Variants in NKAIN2 observed in about 807,000 individuals in gnomAD.
NKAIN2 encodes the protein sodium/potassium transporting ATPase interacting 2.
NKAIN2 carries 14 observed loss-of-function variants against 32.6 expected under a neutral mutation model. The observed-to-expected ratio is 0.43, with a 90% CI of 0.28 to 0.67. The LOEUF is 0.67. NKAIN2 is among the 30% of genes least tolerant of loss of function. The pLI, the probability that NKAIN2 is intolerant of heterozygous loss-of-function variation, is 0.17. For synonymous variants in NKAIN2, 80 were observed against 87.2 expected (o/e 0.92, Z 0.46); for missense variants, 198 against 258.3 (o/e 0.77, Z 1.60).
At chr6:123,887,230 G>A (rs1013663183) in intron 1 of NKAIN2, among the ~76,000 whole-genome samples, 4 of 152,042 alleles carry the variant, frequency 2.6e-5, no homozygotes, top group African/African-American at 9.7e-5. Context: ...TAAGCTGCTG[G>A]TAATGATGAG....
At chr6:124,024,053 ATT>A (rs898236470) in intron 1 of NKAIN2, among the ~76,000 whole-genome samples, 1 of 152,170 alleles carries the variant, frequency 6.6e-6, no homozygotes, top group African/African-American at 2.4e-5. Context: ...AGGGGGTGCA[ATT>A]GGTTAAAAAA....
intron 3 of NKAIN2, among the ~76,000 whole-genome samples, chr6:124,380,169 C>A (rs144529818): frequency 6.6e-6 from 1 of 152,130 alleles, no homozygotes; most frequent in Non-Finnish European, 1.5e-5. Context: ...TATTCAGTAA[C>A]GCAGCAGTAT....
chr6:124,097,067 A>G (rs1308877177), intron 1 of NKAIN2, among the ~76,000 whole-genome samples: 1 of 152,158 alleles, frequency 6.6e-6, no homozygotes, highest in Non-Finnish European at 1.5e-5. Flanking sequence ...TTGAAATGAT[A>G]GAAGCCTTCA....
chr6:124,034,388 A>C (rs1187757127), intron 1 of NKAIN2, among the ~76,000 whole-genome samples: 2 of 152,026 alleles, frequency 1.3e-5, no homozygotes, highest in African/African-American at 4.8e-5. Context: ...TTTCTGCTTC[A>C]GTGATAATTC....
intron 4 of NKAIN2, among the ~76,000 whole-genome samples, chr6:124,717,700 C>T (rs1775818551): frequency 6.6e-6 from 1 of 152,066 alleles, no homozygotes. Context: ...ACTAGTTCAG[C>T]CATTGTATTA....
intron 3 of NKAIN2, among the ~76,000 whole-genome samples, chr6:124,583,424 A>G (rs1781595887): frequency 2.6e-5 from 4 of 152,122 alleles, no homozygotes; most frequent in Admixed American, 2.6e-4. Flanking sequence ...AAGAAATGAA[A>G]GGCTTACACA....
At chr6:124,260,057 C>G (rs930571225) in intron 1 of NKAIN2, among the ~76,000 whole-genome samples, 1 of 152,110 alleles carries the variant, frequency 6.6e-6, no homozygotes, top group African/African-American at 2.4e-5. Context: ...AGAACTGCAT[C>G]GATAAATCAC....
At chr6:124,254,333 G>A (rs1793825470) in intron 1 of NKAIN2, among the ~76,000 whole-genome samples, 1 of 152,170 alleles carries the variant, frequency 6.6e-6, no homozygotes, top group South Asian at 2.1e-4. Context: ...GCTAGCTGAT[G>A]GTAAAGGACA....
chr6:124,091,295 A>T (rs1225251241), intron 1 of NKAIN2, among the ~76,000 whole-genome samples: 2 of 152,016 alleles, frequency 1.3e-5, no homozygotes, highest in Non-Finnish European at 2.9e-5. Context: ...ACATGAAAAC[A>T]CTATGTCAGA....
chr6:124,680,330 T>A (rs1264244546), intron 4 of NKAIN2, among the ~76,000 whole-genome samples: 1 of 152,120 alleles, frequency 6.6e-6, no homozygotes, highest in Admixed American at 6.6e-5. Context: ...AAAGACAGAA[T>A]CAGTATATAT....
intron 3 of NKAIN2, among the ~76,000 whole-genome samples, chr6:124,405,873 T>G (rs1773835243): frequency 6.6e-6 from 1 of 152,178 alleles, no homozygotes; most frequent in African/African-American, 2.4e-5. Context: ...GTAACACTAC[T>G]TCATTACTAG....
chr6:124,716,286 T>C (rs1314376460), intron 4 of NKAIN2, among the ~76,000 whole-genome samples: 1 of 152,206 alleles, frequency 6.6e-6, no homozygotes, highest in Non-Finnish European at 1.5e-5. Flanking sequence ...ACTTTAGCTT[T>C]TGAGTTTCCC....
At chr6:123,842,317 G>C (rs192090697) in intron 1 of NKAIN2, among the ~76,000 whole-genome samples, 2 of 152,288 alleles carry the variant, frequency 1.3e-5, no homozygotes, top group East Asian at 3.9e-4. Flanking sequence ...AGTTCCTGGT[G>C]AGGGCTCTCT....
intron 1 of NKAIN2, among the ~76,000 whole-genome samples, chr6:123,907,383 A>C (rs1014953177): frequency 6.6e-6 from 1 of 152,200 alleles, no homozygotes; most frequent in African/African-American, 2.4e-5. Context: ...TAATAGACTT[A>C]TCATAATATC....
chr6:124,437,339 C>G (rs950993404), intron 3 of NKAIN2, among the ~76,000 whole-genome samples: 1 of 152,178 alleles, frequency 6.6e-6, no homozygotes, highest in Admixed American at 6.5e-5. Context: ...ATTAATGAAT[C>G]ATTGCCTTTT....
chr6:124,062,265 C>T (rs1782948523), intron 1 of NKAIN2, among the ~76,000 whole-genome samples: 2 of 151,800 alleles, frequency 1.3e-5, no homozygotes, highest in Non-Finnish European at 2.9e-5. Context: ...ATGGAAATAC[C>T]ATTTATTGTT....
chr6:124,521,943 C>A (rs1216920369), intron 3 of NKAIN2, among the ~76,000 whole-genome samples: 1 of 151,894 alleles, frequency 6.6e-6, no homozygotes, highest in Non-Finnish European at 1.5e-5. Flanking sequence ...CTTTAATGAT[C>A]CATCTTATGC....
At chr6:124,386,402 G>A (rs947166763) in intron 3 of NKAIN2, among the ~76,000 whole-genome samples, 2 of 152,134 alleles carry the variant, frequency 1.3e-5, no homozygotes, top group African/African-American at 4.8e-5. Flanking sequence ...CTGTTGCTTT[G>A]ACTGGACCAC....
At chr6:124,680,290 ATGCTG>A (rs1199543681) in intron 4 of NKAIN2, among the ~76,000 whole-genome samples, 1 of 152,158 alleles carries the variant, frequency 6.6e-6, no homozygotes, top group Non-Finnish European at 1.5e-5. Context: ...AAGCCAAGAG[ATGCTG>A]TGGCAGTTGA....
Sources: gnomAD v4.1 joint callset for allele counts (sites outside exome capture counted in the v4.1 genomes callset) on GRCh38, gnomAD v4.1.1 for gene constraint, MANE v1.5 for transcripts, NCBI Gene and HGNC (gene_info 2026-07-23, HGNC 2026-07-21) for gene names.